The following CRACR2A variants were observed in gnomAD, a reference collection of about 807,000 sequenced individuals.
CRACR2A encodes EF-hand calcium-binding domain-containing protein 4B.
CRACR2A carries 79 observed loss-of-function variants against 90.5 expected under a neutral mutation model. The ratio of observed to expected loss-of-function variants is 0.87; its 90% confidence interval spans 0.73 to 1.05. The LOEUF (loss-of-function observed/expected upper bound fraction) is 1.05, where lower values mean the gene tolerates loss of function less well. Among genes scored for constraint, CRACR2A ranks in the 50% least tolerant of loss-of-function variants. The pLI is 0.00. For synonymous variants in CRACR2A, 338 were observed against 356.7 expected, an observed-to-expected ratio of 0.95 and a Z score of 0.59; for missense variants, 823 against 897.2, an observed-to-expected ratio of 0.92 and a Z score of 1.06.
chr12:3,709,162 C>T (rs1945973721), intron 3 of CRACR2A, among the ~76,000 whole-genome samples: 1 of 152,180 alleles, frequency 6.6e-6, no homozygotes, highest in South Asian at 2.1e-4. Flanking sequence ...GCAATAAAAA[C>T]TGTAGGCACA....
intron 1 of CRACR2A, among the ~76,000 whole-genome samples, chr12:3,740,185 C>T (rs752718190): frequency 6.6e-6 from 1 of 152,074 alleles, no homozygotes; most frequent in Non-Finnish European, 1.5e-5. Context: ...GCTACCCCAA[C>T]CCCCATGCTG....
chr12:3,688,600 T>C (rs1945604426), intron 4 of CRACR2A, among the ~76,000 whole-genome samples: 2 of 152,202 alleles, frequency 1.3e-5, no homozygotes, highest in African/African-American at 4.8e-5. Flanking sequence ...AGCCCTGTCG[T>C]ATAGTTTGAA....
chr12:3,704,495 T>TAC (rs1945884960), intron 3 of CRACR2A, among the ~76,000 whole-genome samples: 1 of 152,170 alleles, frequency 6.6e-6, no homozygotes, highest in East Asian at 1.9e-4. Context: ...TATTTATTCA[T>TAC]ACACACACAC....
intron 7 of CRACR2A, among the ~76,000 whole-genome samples, chr12:3,666,358 T>TGTGTGTGTGTGC (rs758896769): frequency 0.016 from 2,366 of 148,438 alleles, 59 homozygotes; most frequent in African/African-American, 0.055. Context: ...TGTGTGTGCG[T>TGTGTGTGTGTGC]GCGTGTGCGC....
At chr12:3,723,814 T>C (rs1176558134) in intron 2 of CRACR2A, among the ~76,000 whole-genome samples, 1 of 152,156 alleles carries the variant, frequency 6.6e-6, no homozygotes, top group African/African-American at 2.4e-5. Flanking sequence ...GGCCTGTGCT[T>C]ACCATTCTGC....
intron 1 of CRACR2A, among the ~76,000 whole-genome samples, chr12:3,744,351 C>T (rs1258018310): frequency 6.6e-6 from 1 of 152,204 alleles, no homozygotes; most frequent in Non-Finnish European, 1.5e-5. Context: ...TCACATAATA[C>T]AAACCCAGAT....
intron 7 of CRACR2A, among the ~76,000 whole-genome samples, chr12:3,662,265 G>A (rs1012419786): frequency 4.6e-5 from 7 of 152,196 alleles, no homozygotes; most frequent in South Asian, 2.1e-4. Context: ...GAGAAGCCTC[G>A]GTTAGAACAC....
intron 17 of CRACR2A, among the ~76,000 whole-genome samples, chr12:3,622,314 T>C (rs1474383926): frequency 1.3e-5 from 2 of 152,208 alleles, no homozygotes; most frequent in Non-Finnish European, 2.9e-5. Context: ...AATCTCTCTT[T>C]AGGAGATGTG....
At chr12:3,615,836 C>G (rs899735470) in intron 19 of CRACR2A, among the ~76,000 whole-genome samples, 3 of 152,208 alleles carry the variant, frequency 2.0e-5, no homozygotes, top group African/African-American at 7.2e-5. Flanking sequence ...TCTTTTGTCT[C>G]TGTGCCTCTG....
chr12:3,675,320 T>G (rs1485122752), intron 6 of CRACR2A, among the ~76,000 whole-genome samples: 1 of 151,892 alleles, frequency 6.6e-6, no homozygotes, highest in Non-Finnish European at 1.5e-5. Context: ...GAGAAATGGG[T>G]GGTGACCTCC....
intron 1 of CRACR2A, among the ~76,000 whole-genome samples, chr12:3,738,168 T>C (rs889882861): frequency 1.3e-5 from 2 of 152,260 alleles, no homozygotes; most frequent in Admixed American, 6.5e-5. Flanking sequence ...AACAACATGC[T>C]AGATTTCTAT....
intron 13 of CRACR2A, among the ~76,000 whole-genome samples, chr12:3,639,723 C>T (rs1457241893): frequency 3.9e-5 from 6 of 152,070 alleles, no homozygotes; most frequent in South Asian, 2.1e-4. Context: ...AGATAAATTA[C>T]GATATAGTGC....
At position 3,711,539 on chromosome 12, in the gene CRACR2A, G is replaced by A. The variant is rs1212915954; in HGVS notation, c.-37+1698C>T. Among the ~76,000 whole-genome samples the A allele has an allele frequency of 3.3e-5, 5 of 151,974 alleles. No individual in the cohort carries two copies. The highest frequency in any genetic ancestry group is 7.3e-5 in the African/African-American group (3 of 41,346). On this transcript the variant is annotated intron_variant, in intron 3 of 19. Transcript: ENST00000440314. This position sits in a 1 kb window ranked among gnomAD's most constrained non-coding sequence, Gnocchi z 4.3. ...AATAACATGTTCTTCATTTTCATCC[G>A]AGACCTCATCAGAATGGCTTTTATC...
intron 2 of CRACR2A, among the ~76,000 whole-genome samples, chr12:3,713,757 C>T (rs1946042653): frequency 6.6e-6 from 1 of 152,170 alleles, no homozygotes; most frequent in African/African-American, 2.4e-5. Context: ...TCACTGCCTT[C>T]CCTGAGAAGG....
chr12:3,677,714 C>T (rs1290667557), intron 6 of CRACR2A, among the ~76,000 whole-genome samples: 1 of 152,202 alleles, frequency 6.6e-6, no homozygotes, highest in Non-Finnish European at 1.5e-5. Context: ...GCCCCTTCCA[C>T]CTGCCAGCTA....
At chr12:3,622,939 T>C (rs770857135) in intron 17 of CRACR2A, among the ~76,000 whole-genome samples, 33 of 152,216 alleles carry the variant, frequency 2.2e-4, no homozygotes, top group Non-Finnish European at 4.1e-4. Flanking sequence ...TTTTGCACCA[T>C]GCTGTACATT....
At chr12:3,651,541 T>G (rs1944794555) in intron 10 of CRACR2A, among the ~76,000 whole-genome samples, 1 of 152,238 alleles carries the variant, frequency 6.6e-6, no homozygotes, top group African/African-American at 2.4e-5. Context: ...CTTTACATTA[T>G]CTCTCTGCTT....
chr12:3,621,883 T>C (rs1346805056), intron 17 of CRACR2A, among the ~76,000 whole-genome samples: 2 of 151,670 alleles, frequency 1.3e-5, no homozygotes, highest in Admixed American at 6.6e-5. Flanking sequence ...CTCCAAATAT[T>C]TGGCAAAAAT....
Position 3,721,647 on chromosome 12 carries a change from T to A in CRACR2A, c.-117-8330A>T, listed in dbSNP as rs138700630. The stretch of plus-strand genomic sequence containing the variant: ...TCTCCTCAAATAGCTTATAGTCTAG[T>A]GGAGATAAATGCATGTGAAAAACTA... On this transcript the variant is annotated intron_variant, in intron 2 of 19. Transcript: ENST00000440314. Among the ~76,000 whole-genome samples, 4 of 148,866 alleles carry A rather than the reference T, an allele frequency of 2.7e-5. No homozygotes were observed. In the East Asian group the frequency reaches 7.8e-4, roughly 29 times the overall value.
Sources: allele counts gnomAD v4.1 joint callset (sites outside exome capture counted in the v4.1 genomes callset), GRCh38; gene constraint gnomAD v4.1.1; non-coding constraint Gnocchi (gnomAD v3.1); transcripts MANE v1.5; gene names NCBI Gene and HGNC (gene_info 2026-07-23, HGNC 2026-07-21).